The following NRG3 variants were observed in gnomAD, a reference collection of about 807,000 sequenced individuals.
NRG3 encodes the protein neuregulin 3.
A neutral mutation model predicts 66.9 loss-of-function variants in NRG3; 31 were observed. The observed-to-expected ratio is 0.46, with a 90% CI of 0.35 to 0.63. NRG3 has a LOEUF of 0.63. Among genes scored for constraint, NRG3 ranks in the 20% least tolerant of loss-of-function variants. The probability of loss-of-function intolerance (pLI) is 0.00; values close to 1 mark genes in which losing one functional copy is unlikely to be tolerated. For synonymous variants in NRG3, 393 were observed against 359.4 expected, an observed-to-expected ratio of 1.09 and a Z score of -1.06; for missense variants, 910 against 878.9, an observed-to-expected ratio of 1.04 and a Z score of -0.45.
At chr10:82,122,968 A>G (rs1383887635) in intron 1 of NRG3, among the ~76,000 whole-genome samples, 1 of 151,536 alleles carries the variant, frequency 6.6e-6, no homozygotes, top group Admixed American at 6.6e-5. Flanking sequence ...TTTCTCTATA[A>G]GAGAATAGAT....
At chr10:82,697,883 T>C (rs1330375854) in intron 2 of NRG3, among the ~76,000 whole-genome samples, 4 of 152,066 alleles carry the variant, frequency 2.6e-5, no homozygotes, top group African/African-American at 7.2e-5. Context: ...TCTGCCTTTT[T>C]GGATCAATGT....
intron 2 of NRG3, among the ~76,000 whole-genome samples, chr10:82,468,450 C>T (rs1840902390): frequency 6.6e-6 from 1 of 152,042 alleles, no homozygotes; most frequent in Admixed American, 6.6e-5. Flanking sequence ...TATGAGAGAC[C>T]TTCAATGTGA....
chr10:82,546,371 A>T (rs1313243014), intron 2 of NRG3, among the ~76,000 whole-genome samples: 1 of 152,074 alleles, frequency 6.6e-6, no homozygotes, highest in African/African-American at 2.4e-5. Flanking sequence ...GTTTTTTTTT[A>T]AATGATATAT....
intron 1 of NRG3, among the ~76,000 whole-genome samples, chr10:82,334,038 C>T (rs1386584256): frequency 6.7e-6 from 1 of 148,334 alleles, no homozygotes; most frequent in East Asian, 2.1e-4. Context: ...GGCCTGGTGG[C>T]GGGCGCCTGT....
At chr10:82,647,593 A>G (rs1348648877) in intron 2 of NRG3, among the ~76,000 whole-genome samples, 3 of 152,056 alleles carry the variant, frequency 2.0e-5, no homozygotes, top group Non-Finnish European at 4.4e-5. Context: ...GACTTCCACA[A>G]TGGTTGAACT....
intron 4 of NRG3, among the ~76,000 whole-genome samples, chr10:82,927,391 G>A (rs1157802228): frequency 6.6e-6 from 1 of 152,128 alleles, no homozygotes; most frequent in Non-Finnish European, 1.5e-5. Flanking sequence ...TGGGATACAT[G>A]TGTAGAACAT....
intron 2 of NRG3, among the ~76,000 whole-genome samples, chr10:82,608,530 A>G (rs776523002): frequency 5.9e-5 from 9 of 152,156 alleles, no homozygotes; most frequent in Non-Finnish European, 8.8e-5. Context: ...CTCTCCTGCT[A>G]TACGAAATCC....
In NRG3 at chr10:82,500,297, A is replaced by G. The variant is rs146032701; in HGVS notation, c.953+141429A>G. The stretch of plus-strand genomic sequence containing the variant: ...GCTCCATTAAGTGTTGCATTAAGCC[A>G]GAAATTCAGTGAAACCATATTAATC... On this transcript the variant is annotated intron_variant, in intron 2 of 8. Coordinates refer to ENST00000372141, the MANE Select transcript of NRG3 (RefSeq NM_001010848.4). 3.8e-3 allele frequency among the ~76,000 whole-genome samples: 577 copies of G among 152,286 alleles called. 1 individual carries two copies. Among genetic ancestry groups the G allele is most frequent in the African/African-American group, 0.013 (545 of 41,582 alleles).
At chr10:82,037,940 A>C (rs2062862061) in intron 1 of NRG3, among the ~76,000 whole-genome samples, 1 of 151,716 alleles carries the variant, frequency 6.6e-6, no homozygotes, top group East Asian at 1.9e-4. Flanking sequence ...TGAATGCCTC[A>C]AAAGTCGTGG....
chr10:82,972,656 A>G (rs1851877316), intron 6 of NRG3, among the ~76,000 whole-genome samples: 1 of 152,210 alleles, frequency 6.6e-6, no homozygotes, highest in African/African-American at 2.4e-5. Flanking sequence ...CATTTCTAAA[A>G]GGCTAGGAAA....
intron 1 of NRG3, among the ~76,000 whole-genome samples, chr10:82,240,846 A>G (rs950098812): frequency 7.9e-5 from 12 of 152,168 alleles, no homozygotes; most frequent in African/African-American, 2.6e-4. Flanking sequence ...TCAGTGCTCC[A>G]ATTTTGTGGA....
At chr10:82,920,718 C>G (rs1048444746) in intron 4 of NRG3, among the ~76,000 whole-genome samples, 1 of 151,942 alleles carries the variant, frequency 6.6e-6, no homozygotes, top group Non-Finnish European at 1.5e-5. Context: ...ATAAAAAATG[C>G]TAAAAAAATG....
chr10:82,043,839 A>G (rs2063147865), intron 1 of NRG3, among the ~76,000 whole-genome samples: 1 of 152,112 alleles, frequency 6.6e-6, no homozygotes, highest in South Asian at 2.1e-4. Flanking sequence ...TAATTGATAT[A>G]AACAACAGTT....
intron 1 of NRG3, among the ~76,000 whole-genome samples, chr10:82,047,510 A>C (rs1014038412): frequency 2.0e-5 from 3 of 151,990 alleles, no homozygotes; most frequent in African/African-American, 7.3e-5. Flanking sequence ...AAGCTTCATA[A>C]GCGAAGGAGA....
At chr10:82,144,601 A>G (rs1477508371) in intron 1 of NRG3, among the ~76,000 whole-genome samples, 1 of 152,224 alleles carries the variant, frequency 6.6e-6, no homozygotes, top group Admixed American at 6.5e-5. Context: ...CAGAGAAACA[A>G]GTCAACTCTG....
chr10:82,175,271 T>C (rs2072941877), intron 1 of NRG3, among the ~76,000 whole-genome samples: 1 of 152,168 alleles, frequency 6.6e-6, no homozygotes, highest in Non-Finnish European at 1.5e-5. Context: ...TCTCTGATGC[T>C]AACAGAATCA....
intron 1 of NRG3, among the ~76,000 whole-genome samples, chr10:82,103,178 T>A (rs1305177088): frequency 6.6e-6 from 1 of 152,170 alleles, no homozygotes; most frequent in Non-Finnish European, 1.5e-5. Flanking sequence ...CCTGCCTCCA[T>A]AGTTTCTGAT....
intron 1 of NRG3, among the ~76,000 whole-genome samples, chr10:82,290,860 G>C (rs1161247517): frequency 4.6e-5 from 7 of 151,204 alleles, no homozygotes; most frequent in African/African-American, 1.7e-4. Context: ...AGCCAGGATG[G>C]TCTCGATCTC....
intron 1 of NRG3, among the ~76,000 whole-genome samples, chr10:82,074,387 A>C (rs905111778): frequency 2.0e-5 from 3 of 152,204 alleles, no homozygotes; most frequent in African/African-American, 7.2e-5. Flanking sequence ...TTTTACTCTA[A>C]GAATGATCAG....
Sources: gnomAD v4.1 joint callset for allele counts (sites outside exome capture counted in the v4.1 genomes callset) on GRCh38, gnomAD v4.1.1 for gene constraint, MANE v1.5 for transcripts, NCBI Gene and HGNC (gene_info 2026-07-23, HGNC 2026-07-21) for gene names.